Variants in TRHDE observed in about 807,000 individuals in gnomAD.
TRHDE encodes thyrotropin releasing hormone degrading enzyme.
Under a neutral mutation model 125.7 loss-of-function variants are expected in TRHDE, and 72 were observed. The ratio of observed to expected loss-of-function variants is 0.57; its 90% CI spans 0.47 to 0.70. TRHDE has a LOEUF of 0.70. Among genes scored for constraint, TRHDE ranks in the 30% least tolerant of loss-of-function variants. The pLI is 0.00. For synonymous variants in TRHDE, 509 were observed against 509.1 expected (o/e 1.00, Z 0.00); for missense variants, 1,110 against 1,327.1 (o/e 0.84, Z 2.54).
intron 2 of TRHDE, among the ~76,000 whole-genome samples, chr12:72,152,507 C>T (rs1876392606): frequency 6.6e-6 from 1 of 152,098 alleles, no homozygotes; most frequent in Non-Finnish European, 1.5e-5. Flanking sequence ...AGTTTTTGTC[C>T]ATTCAGTATG....
chr12:72,381,066 G>GGT (rs1872152699), intron 3 of TRHDE, among the ~76,000 whole-genome samples: 1 of 152,092 alleles, frequency 6.6e-6, no homozygotes, highest in Non-Finnish European at 1.5e-5. Flanking sequence ...AGGTGCATTT[G>GGT]GTAATATCTG....
intron 6 of TRHDE, among the ~76,000 whole-genome samples, chr12:72,518,344 A>T (rs889507434): frequency 6.7e-6 from 1 of 148,294 alleles, no homozygotes; most frequent in Non-Finnish European, 1.5e-5. Flanking sequence ...TTGGGTGCAT[A>T]TATATTTAGG....
At chr12:72,299,769 G>A (rs1454697257) in intron 2 of TRHDE, among the ~76,000 whole-genome samples, 1 of 152,062 alleles carries the variant, frequency 6.6e-6, no homozygotes, top group Non-Finnish European at 1.5e-5. Context: ...GTTTTTATGG[G>A]ATTTAGGAGC....
chr12:72,258,522 G>A (rs1012851594), intron 2 of TRHDE, among the ~76,000 whole-genome samples: 6 of 152,138 alleles, frequency 3.9e-5, no homozygotes, highest in Non-Finnish European at 7.4e-5. Context: ...GAATTAATAA[G>A]AATAAAGTGG....
rs542233289 is a variant in TRHDE at position 72,525,955 on chromosome 12, G to A, written c.1723-16336G>A. ...TCAGTCATTTTTTTCCCCTGCGGTC[G>A]TTATTTAACTCCCAGTGTAGTTGAG... is the stretch of plus-strand genomic sequence containing the variant. On this transcript the variant is annotated intron_variant, in intron 6 of 18. Transcript: ENST00000261180. Among the ~76,000 whole-genome samples, 16 of 152,042 alleles carry A rather than the reference G, an allele frequency of 1.1e-4. No individual in the cohort carries two copies. In the South Asian group the frequency reaches 2.3e-3, roughly 22 times the overall value.
At chr12:72,154,483 C>T (rs1331693699) in intron 2 of TRHDE, among the ~76,000 whole-genome samples, 1 of 152,178 alleles carries the variant, frequency 6.6e-6, no homozygotes, top group African/African-American at 2.4e-5. Flanking sequence ...CAGTTTCTTC[C>T]TAGCCTCGAT....
At chr12:72,334,543 G>A (rs1227797301) in intron 2 of TRHDE, among the ~76,000 whole-genome samples, 1 of 152,192 alleles carries the variant, frequency 6.6e-6, no homozygotes, top group Non-Finnish European at 1.5e-5. Context: ...CCTGGCAGAC[G>A]GCCTGATGCC....
chr12:72,377,074 G>A (rs1871921207), intron 2 of TRHDE, among the ~76,000 whole-genome samples: 1 of 152,004 alleles, frequency 6.6e-6, no homozygotes, highest in South Asian at 2.1e-4. Flanking sequence ...GGCAGAGTAG[G>A]ACTAAAATCC....
chr12:72,210,300 G>A (rs1412692657), intron 2 of TRHDE, among the ~76,000 whole-genome samples: 2 of 151,878 alleles, frequency 1.3e-5, no homozygotes, highest in African/African-American at 4.8e-5. Flanking sequence ...TCAGTAACAT[G>A]GCTTCTTCTT....
intron 1 of TRHDE, among the ~76,000 whole-genome samples, chr12:72,088,313 C>A (rs959757610): frequency 6.6e-6 from 1 of 152,026 alleles, no homozygotes; most frequent in Non-Finnish European, 1.5e-5. Flanking sequence ...CCTTGAAGAA[C>A]TGAGGGCACA....
At chr12:72,594,409 G>C (rs1160738702) in intron 12 of TRHDE, among the ~76,000 whole-genome samples, 3 of 151,160 alleles carry the variant, frequency 2.0e-5, no homozygotes, top group Non-Finnish European at 4.4e-5. Context: ...GTGGAGACGG[G>C]TTTTCTCCAT....
At chr12:72,474,019 C>T (rs998644190) in intron 5 of TRHDE, among the ~76,000 whole-genome samples, 15 of 151,956 alleles carry the variant, frequency 9.9e-5, no homozygotes, top group South Asian at 2.1e-4. Flanking sequence ...TATATACACA[C>T]GCACATATAT....
chr12:72,657,640 T>C (rs1466081882), intron 18 of TRHDE, among the ~76,000 whole-genome samples: 1 of 152,170 alleles, frequency 6.6e-6, no homozygotes, highest in Non-Finnish European at 1.5e-5. Flanking sequence ...TTATGGAGTA[T>C]CTAACATTTC....
At chr12:72,379,457 A>G (rs1044470449) in intron 3 of TRHDE, among the ~76,000 whole-genome samples, 1 of 152,240 alleles carries the variant, frequency 6.6e-6, no homozygotes, top group Non-Finnish European at 1.5e-5. Context: ...CAAGGCAGAA[A>G]GGAATACTTG....
chr12:72,394,370 G>C (rs1054612138), intron 3 of TRHDE, among the ~76,000 whole-genome samples: 10 of 152,074 alleles, frequency 6.6e-5, no homozygotes, highest in Non-Finnish European at 1.3e-4. Context: ...CTGCCTAAGA[G>C]ATCAGTACAA....
At chr12:72,174,647 C>A (rs1318113802) in intron 2 of TRHDE, among the ~76,000 whole-genome samples, 1 of 151,978 alleles carries the variant, frequency 6.6e-6, no homozygotes, top group Non-Finnish European at 1.5e-5. Flanking sequence ...TGAAGAACGT[C>A]TTTTAGTTGG....
At chr12:72,310,479 T>C (rs540213052) in intron 2 of TRHDE, among the ~76,000 whole-genome samples, 12 of 152,210 alleles carry the variant, frequency 7.9e-5, no homozygotes, top group Non-Finnish European at 1.8e-4. Context: ...TCTGTAACTT[T>C]GAAACACTAT....
At chr12:72,624,822 CA>C in intron 15 of TRHDE, among the ~76,000 whole-genome samples, 1 of 151,586 alleles carries the variant, frequency 6.6e-6, no homozygotes, top group East Asian at 1.9e-4. Context: ...AAGCACATTT[CA>C]AAAAGGAGAC....
At chr12:72,103,615 T>C (rs1294171829) in intron 1 of TRHDE, among the ~76,000 whole-genome samples, 6 of 152,202 alleles carry the variant, frequency 3.9e-5, no homozygotes, top group Admixed American at 3.9e-4. Context: ...ACAGTCCTCA[T>C]TCCTTTATTA....
Sources: allele counts gnomAD v4.1 joint callset (sites outside exome capture counted in the v4.1 genomes callset), GRCh38; gene constraint gnomAD v4.1.1; transcripts MANE v1.5; gene names NCBI Gene and HGNC (gene_info 2026-07-23, HGNC 2026-07-21).